SOS1: variants seen among roughly 807,000 people sequenced by gnomAD.
The protein encoded by SOS1 is SOS Ras/Rac guanine nucleotide exchange factor 1.
Under a neutral mutation model 157.6 loss-of-function variants are expected in SOS1, and 25 were observed. The ratio of observed to expected loss-of-function variants is 0.16; its 90% confidence interval spans 0.12 to 0.22. SOS1 has a LOEUF of 0.22. SOS1 is among the 10% of genes least tolerant of loss of function. The probability of loss-of-function intolerance (pLI) is 1.00; values close to 1 mark genes in which losing one functional copy is unlikely to be tolerated. For missense variants in SOS1, 1,237 were observed against 1,599.1 expected, an observed-to-expected ratio of 0.77 and a Z score of 3.86; for synonymous variants, 528 against 534.0, an observed-to-expected ratio of 0.99 and a Z score of 0.16.
At chr2:39,052,749 G>C (rs1671064401) in intron 5 of SOS1, among the ~76,000 whole-genome samples, 1 of 152,218 alleles carries the variant, frequency 6.6e-6, no homozygotes, top group Admixed American at 6.5e-5. Context: ...AAGCCGCTAT[G>C]AACATTCATG....
At position 39,023,050 on chromosome 2, in the gene SOS1, G is replaced by A; in HGVS notation, c.1378C>T (p.His460Tyr). 2 of 1,613,536 alleles carry A rather than the reference G, an allele frequency of 1.2e-6. No individual in the cohort carries two copies. The highest frequency in any genetic ancestry group is 8.5e-7 in the Non-Finnish European group (1 of 1,179,612). ...LTRVGAKHERHIFLFDGLMIC... is the reference protein window; with the variant it reads ...LTRVGAKHERYIFLFDGLMIC... ...ATTAAGCCATCAAAGAGAAATATGTGTCTCTCATGTTTGGCTCCTACACGT... is the reference window on the plus strand; with the variant it reads ...ATTAAGCCATCAAAGAGAAATATGTATCTCTCATGTTTGGCTCCTACACGT... Residue 460 changes from histidine (H) to tyrosine (Y), a missense_variant, in exon 10 of 23, where the codon CAC (histidine) becomes TAC (tyrosine). Around this residue, in one of 15 missense-constraint regions of SOS1, gnomAD observed 210 missense variants for 220.2 expected, o/e 0.95. Coordinates refer to ENST00000402219, the MANE Select transcript of SOS1 (RefSeq NM_005633.4).
Position 39,120,479 on chromosome 2 carries a change from G to T in SOS1, c.-57C>A. On this transcript the variant is annotated 5_prime_UTR_variant, in exon 1 of 23. Coordinates refer to ENST00000402219, the MANE Select transcript of SOS1 (RefSeq NM_005633.4). ...GGGGCGGCGGCGGCCGGGCCAGGGA[G>T]CCGCGAGAGGGCGAGCTCGCAGCGC... is the stretch of plus-strand genomic sequence containing the variant. 1 of 1,457,616 alleles carries T rather than the reference G, an allele frequency of 6.9e-7. No homozygotes were observed. The allele number at this position is 1,457,616 out of a possible 1,614,324, so 90.3% of individuals were successfully genotyped here. A position where few individuals can be genotyped will look rare whatever the true frequency, so the allele number is the denominator to read the frequency against.
intron 10 of SOS1, among the ~76,000 whole-genome samples, chr2:39,018,202 A>G (rs913394262): frequency 1.4e-3 from 210 of 152,048 alleles, no homozygotes; most frequent in African/African-American, 4.9e-3. Context: ...GCCCATTTTT[A>G]TATTCTCCTT....
intron 20 of SOS1, among the ~76,000 whole-genome samples, chr2:38,989,652 A>C (rs1668666727): frequency 6.6e-6 from 1 of 152,134 alleles, no homozygotes; most frequent in Non-Finnish European, 1.5e-5. Context: ...CCATTTAGTA[A>C]ATATTATTTT....
chr2:39,005,129 CATA>C (rs1669243737), intron 17 of SOS1, among the ~76,000 whole-genome samples: 1 of 152,110 alleles, frequency 6.6e-6, no homozygotes, highest in African/African-American at 2.4e-5. Context: ...CACATACATA[CATA>C]CGTATGAGCT....
At chr2:39,076,011 A>G (rs1671984991) in intron 1 of SOS1, among the ~76,000 whole-genome samples, 2 of 152,236 alleles carry the variant, frequency 1.3e-5, no homozygotes, top group African/African-American at 4.8e-5. Context: ...GACAATTCCA[A>G]CCTTATACAA....
At chr2:39,102,230 A>AAAAAAAAAT (rs1553370166) in intron 1 of SOS1, among the ~76,000 whole-genome samples, 37 of 142,860 alleles carry the variant, frequency 2.6e-4, no homozygotes, top group East Asian at 6.0e-4. Flanking sequence ...AAAAAAAAAA[A>AAAAAAAAAT]GTGCCACTTT....
chr2:38,997,474 G>GT lies in SOS1; in HGVS notation c.2792-50dup, dbSNP rs869215095. On this transcript the variant is annotated intron_variant, in intron 17 of 22. Coordinates refer to ENST00000402219, the MANE Select transcript of SOS1 (RefSeq NM_005633.4). ...TCAAGGATAAAGAAGGAAAATGCAA[G>GT]TTTTTTTCTGTTTCATTAATTGTGG... 1,161,967 of 1,282,648 alleles carry GT rather than the reference G, an allele frequency of 0.91. 531,322 individuals are homozygous for GT. The highest frequency in any genetic ancestry group is 0.94 in the Non-Finnish European group (831,200 of 888,462). 79.5% of individuals were successfully genotyped at this position (1,282,648 alleles called of 1,614,324 possible).
chr2:39,102,738 A>G (rs1266605715), intron 1 of SOS1, among the ~76,000 whole-genome samples: 1 of 152,016 alleles, frequency 6.6e-6, no homozygotes, highest in African/African-American at 2.4e-5. Context: ...TGAGCAGAGG[A>G]GTTCAAGACC....
rs528678302 is a variant in SOS1, at chr2:39,066,571, T to C, written c.213+1057A>G. Among the ~76,000 whole-genome samples, 8 of 152,354 alleles carry C rather than the reference T, an allele frequency of 5.3e-5. No individual in the cohort carries two copies. The South Asian group carries it at 1.4e-3, about 28-fold the overall frequency. On this transcript the variant is annotated intron_variant, in intron 2 of 22. Coordinates refer to ENST00000402219, the MANE Select transcript of SOS1 (RefSeq NM_005633.4). ...GCTATCCCAAACCCCAAAGCATCTA[T>C]CAGTTGCCCCTTTCATGGTTTCCCA... is the stretch of plus-strand genomic sequence containing the variant.
intron 10 of SOS1, among the ~76,000 whole-genome samples, chr2:39,019,540 G>A (rs925164926): frequency 1.3e-5 from 2 of 151,592 alleles, no homozygotes; most frequent in Non-Finnish European, 3.0e-5. Flanking sequence ...TTCTGATATA[G>A]TCAGCAAATT....
intron 2 of SOS1, among the ~76,000 whole-genome samples, chr2:39,060,102 T>C (rs1160107345): frequency 2.0e-5 from 3 of 152,162 alleles, no homozygotes; most frequent in Non-Finnish European, 4.4e-5. Context: ...TCTTTTCTTT[T>C]TTCCAAGTTT....
chr2:39,006,965 T>C (rs1264743789), intron 16 of SOS1, 66 bp downstream of exon 16: 63 of 1,041,042 alleles, frequency 6.1e-5, no homozygotes, highest in Non-Finnish European at 8.7e-5. Context: ...AGATAATAAT[T>C]GTTAAAAATC....
intron 1 of SOS1, chr2:39,082,717 A>C (rs774673253): frequency 6.6e-6 from 1 of 152,180 alleles, no homozygotes; most frequent in Admixed American, 6.5e-5. Context: ...TAAAAAAGAG[A>C]GCTTAAGGCC....
intron 1 of SOS1, among the ~76,000 whole-genome samples, chr2:39,080,019 G>A (rs189590655): frequency 7.2e-4 from 110 of 152,038 alleles, no homozygotes; most frequent in Admixed American, 2.6e-3. Context: ...CCACAGACTC[G>A]GGTGGGGAGG....
chr2:39,047,009 G>C (rs921539871), intron 6 of SOS1, among the ~76,000 whole-genome samples: 8 of 152,014 alleles, frequency 5.3e-5, no homozygotes, highest in African/African-American at 1.9e-4. Context: ...TTTACATAAA[G>C]TCTGCAATTT....
At chr2:39,040,432 G>T (rs923173800) in intron 6 of SOS1, among the ~76,000 whole-genome samples, 1 of 152,070 alleles carries the variant, frequency 6.6e-6, no homozygotes, top group Non-Finnish European at 1.5e-5. Flanking sequence ...TTCCAGATCT[G>T]AACTATTCTA....
At chr2:39,114,142 C>G (rs533506807) in intron 1 of SOS1, among the ~76,000 whole-genome samples, 3 of 152,058 alleles carry the variant, frequency 2.0e-5, no homozygotes, top group Non-Finnish European at 2.9e-5. Flanking sequence ...GTCACCCAGA[C>G]GGCAGTGCAA....
At chr2:38,990,311 C>G (rs1362072222) in intron 20 of SOS1, among the ~76,000 whole-genome samples, 1 of 152,022 alleles carries the variant, frequency 6.6e-6, no homozygotes, top group Non-Finnish European at 1.5e-5. Context: ...GTCCCATTAT[C>G]TGATTTCCGT....
Sources: allele counts gnomAD v4.1 joint callset (sites outside exome capture counted in the v4.1 genomes callset), GRCh38; gene constraint gnomAD v4.1.1; regional missense constraint gnomAD v4.1.1; transcripts MANE v1.5; gene names NCBI Gene and HGNC (gene_info 2026-07-23, HGNC 2026-07-21).